Variants in KCNN3 observed in about 807,000 individuals in gnomAD.
The protein encoded by KCNN3 is potassium calcium-activated channel subfamily N member 3, also known as small conductance calcium-activated potassium channel protein 3.
Under a neutral mutation model 62.9 loss-of-function variants are expected in KCNN3, and 16 were observed. The ratio of observed to expected loss-of-function variants is 0.25; its 90% CI spans 0.17 to 0.39. KCNN3 has a LOEUF of 0.39. KCNN3 is among the 10% of genes least tolerant of loss of function. The pLI is 1.00. For synonymous variants in KCNN3, 370 were observed against 389.2 expected (o/e 0.95, Z 0.58); for missense variants, 599 against 949.4 (o/e 0.63, Z 4.85).
chr1:154,846,067 C>T (rs1652041712), intron 1 of KCNN3, among the ~76,000 whole-genome samples: 1 of 152,214 alleles, frequency 6.6e-6, no homozygotes, highest in African/African-American at 2.4e-5. Context: ...CCAGCCAACA[C>T]CAGCTGGCAG....
chr1:154,765,097 T>C (rs980742282), intron 3 of KCNN3, among the ~76,000 whole-genome samples: 2 of 152,164 alleles, frequency 1.3e-5, no homozygotes, highest in African/African-American at 2.4e-5. Flanking sequence ...TATGATTCAA[T>C]AAATTTTCCA....
chr1:154,726,069 C>T, intron 4 of KCNN3, 43 bp from the exon 5 acceptor site: 1 of 1,449,170 alleles, frequency 6.9e-7, no homozygotes, highest in Non-Finnish European at 9.6e-7. Flanking sequence ...AAGAACATAT[C>T]ATTAAGAGGC....
rs1156822614 is a variant in KCNN3 at position 154,705,876 on chromosome 1, A to C, written c.*2100T>G. 1.3e-5 allele frequency: 2 copies of C among 152,246 alleles called. No individual in the cohort carries two copies. The highest frequency in any genetic ancestry group is 4.8e-5 in the African/African-American group (2 of 41,466). 9.4% of individuals were successfully genotyped at this position (152,246 alleles called of 1,614,324 possible). A position where few individuals can be genotyped will look rare whatever the true frequency, so the allele number is the denominator to read the frequency against. ...CACTTTGTGAAATGGAACTAATGCC[A>C]CAAGGAAACTGCATGGTTACTTCAT... On this transcript the variant is annotated 3_prime_UTR_variant, in exon 8 of 8. Coordinates refer to ENST00000271915, the MANE Select transcript of KCNN3 (RefSeq NM_002249.6).
chr1:154,711,598 AC>A (rs900968102), intron 7 of KCNN3, among the ~76,000 whole-genome samples: 19 of 152,060 alleles, frequency 1.2e-4, no homozygotes, highest in South Asian at 8.3e-4. Flanking sequence ...AACAGGAAAT[AC>A]TGCTACTCAT....
Position 154,865,731 on chromosome 1 carries a change from C to G in KCNN3, c.933+3301G>C, listed in dbSNP as rs78139082. On this transcript the variant is annotated intron_variant, in intron 1 of 7. Transcript: ENST00000271915. ...AGTTACTTCCCCAGCAGCAGCCACCCGCCAAACATAGGTGAACAGCAAGGC... is the reference window on the plus strand; with the variant it reads ...AGTTACTTCCCCAGCAGCAGCCACCGGCCAAACATAGGTGAACAGCAAGGC... Among the ~76,000 whole-genome samples the G allele has an allele frequency of 3.9e-5, 6 of 152,100 alleles. No individual in the cohort carries two copies. In the South Asian group the frequency reaches 1.2e-3, roughly 32 times the overall value.
chr1:154,762,165 C>CT (rs1350142832), intron 3 of KCNN3, among the ~76,000 whole-genome samples: 5 of 152,220 alleles, frequency 3.3e-5, no homozygotes, highest in African/African-American at 1.2e-4. Context: ...ATTAAAATAG[C>CT]TTCCTAGAAA....
Position 154,862,578 on chromosome 1 carries a change from C to G in KCNN3, c.933+6454G>C, listed in dbSNP as rs778902504. ...GAAGGGCTTTCATTTTCCCTGTATT[C>G]TCCACACCTACCCTCCTCACAACCT... On this transcript the variant is annotated intron_variant, in intron 1 of 7. Coordinates refer to ENST00000271915, the MANE Select transcript of KCNN3 (RefSeq NM_002249.6). The surrounding 1 kb of genome is among the most constrained non-coding windows in gnomAD (Gnocchi z 4.1). 2.6e-5 allele frequency among the ~76,000 whole-genome samples: 4 copies of G among 152,084 alleles called. No homozygotes were observed. The highest frequency in any genetic ancestry group is 5.9e-5 in the Non-Finnish European group (4 of 68,006).
At position 154,702,700 on chromosome 1, in the gene KCNN3, GATATATATATATATATATATAT is replaced by G. The variant is rs67091748; in HGVS notation, c.*5254_*5275del. On this transcript the variant is annotated 3_prime_UTR_variant, in exon 8 of 8. Transcript: ENST00000271915. ...ACGTTGGCTGCTTCGATCTGATTCA[GATATATATATATATATATATAT>G]ATATATATATATATATATATATATA... is the stretch of plus-strand genomic sequence containing the variant. The G allele has an allele frequency of 0.013, 562 of 43,080 alleles. 20 individuals carry two copies. The highest frequency in any genetic ancestry group is 0.039 in the South Asian group (31 of 796). 2.7% of individuals were successfully genotyped at this position (43,080 alleles called of 1,614,324 possible). A position where few individuals can be genotyped will look rare whatever the true frequency, so the allele number is the denominator to read the frequency against.
chr1:154,759,230 G>A (rs537571544), intron 3 of KCNN3, among the ~76,000 whole-genome samples: 2 of 152,246 alleles, frequency 1.3e-5, no homozygotes, highest in African/African-American at 2.4e-5. Context: ...GGAAACACAG[G>A]GGGGTGAAGA....
intron 3 of KCNN3, among the ~76,000 whole-genome samples, chr1:154,754,711 C>T (rs982971657): frequency 1.3e-5 from 2 of 152,308 alleles, no homozygotes; most frequent in Admixed American, 6.5e-5. Context: ...AAGGAGCCTG[C>T]GTCCCTGATG....
rs1341299810 is a variant in KCNN3 at position 154,700,062 on chromosome 1, A to G, written c.*7914T>C. ...TTAAAGATGCATTTTTTTAATCCTT[A>G]TGATCATTCAGGACCTTCACATCTT... On this transcript the variant is annotated 3_prime_UTR_variant, in exon 8 of 8. Transcript: ENST00000271915. The G allele has an allele frequency of 6.6e-6, 1 of 152,186 alleles. No individual in the cohort carries two copies. The highest frequency in any genetic ancestry group is 2.4e-5 in the African/African-American group (1 of 41,448). 9.4% of individuals were successfully genotyped at this position (152,186 alleles called of 1,614,324 possible). A position where few individuals can be genotyped will look rare whatever the true frequency, so the allele number is the denominator to read the frequency against.
chr1:154,699,385 A>G lies in KCNN3; in HGVS notation c.*8591T>C, dbSNP rs1339267795. ...TTATATATGTATGTATATATTATATATGAATGTGCGGGTATATGTGTGTGC... is the reference window on the plus strand; with the variant it reads ...TTATATATGTATGTATATATTATATGTGAATGTGCGGGTATATGTGTGTGC... On this transcript the variant is annotated 3_prime_UTR_variant, in exon 8 of 8. Coordinates refer to ENST00000271915, the MANE Select transcript of KCNN3 (RefSeq NM_002249.6). The G allele has an allele frequency of 6.6e-6, 1 of 152,210 alleles. No individual in the cohort carries two copies. Among genetic ancestry groups the G allele is most frequent in the Non-Finnish European group, 1.5e-5 (1 of 68,046 alleles). 9.4% of individuals were successfully genotyped at this position (152,210 alleles called of 1,614,324 possible).
intron 3 of KCNN3, among the ~76,000 whole-genome samples, chr1:154,755,842 AAAGAAGG>A (rs147854347): frequency 0.24 from 30,362 of 124,986 alleles, 3,922 homozygotes; most frequent in Non-Finnish European, 0.28. Context: ...GAGGAGGGGG[AAAGAAGG>A]AAGAAGGAAG....
intron 1 of KCNN3, 152 bp downstream of exon 1, chr1:154,868,880 G>A: frequency 1.2e-6 from 1 of 862,870 alleles, no homozygotes; most frequent in Middle Eastern, 2.5e-4. Flanking sequence ...CTCTCTCCCA[G>A]TCTCCCTCCC....
At chr1:154,838,450 A>G (rs562429005) in intron 1 of KCNN3, among the ~76,000 whole-genome samples, 2 of 152,236 alleles carry the variant, frequency 1.3e-5, no homozygotes, top group African/African-American at 2.4e-5. Context: ...GCAAGGCATG[A>G]TCTGACCCCT....
intron 6 of KCNN3, among the ~76,000 whole-genome samples, chr1:154,714,291 GTGTA>G (rs1700164204): frequency 2.6e-5 from 3 of 115,148 alleles, no homozygotes; most frequent in African/African-American, 6.7e-5. Flanking sequence ...GGTGTGTGGT[GTGTA>G]TGGTGTGTGT....
intron 2 of KCNN3, among the ~76,000 whole-genome samples, chr1:154,811,073 T>C (rs867776656): frequency 1.3e-5 from 2 of 152,186 alleles, no homozygotes; most frequent in Non-Finnish European, 2.9e-5. Context: ...AGGCACAGTC[T>C]CCAGCACACA....
intron 2 of KCNN3, among the ~76,000 whole-genome samples, chr1:154,801,239 G>A (rs182009450): frequency 1.5e-4 from 23 of 152,228 alleles, no homozygotes; most frequent in Admixed American, 3.3e-4. Context: ...CATTTATCCC[G>A]GCAAAGTAGA....
At chr1:154,777,808 C>G (rs570782465) in intron 2 of KCNN3, among the ~76,000 whole-genome samples, 1 of 152,310 alleles carries the variant, frequency 6.6e-6, no homozygotes, top group South Asian at 2.1e-4. Flanking sequence ...CAGGGAGTAC[C>G]GTGGGCCCTC....
Sources: allele counts gnomAD v4.1 joint callset (sites outside exome capture counted in the v4.1 genomes callset), GRCh38; gene constraint gnomAD v4.1.1; non-coding constraint Gnocchi (gnomAD v3.1); transcripts MANE v1.5; gene names NCBI Gene and HGNC (gene_info 2026-07-23, HGNC 2026-07-21).